The following TMEM74 variants were observed in gnomAD, a reference collection of about 807,000 sequenced individuals.
TMEM74 encodes transmembrane protein 74.
In TMEM74, 13 loss-of-function variants were observed where a neutral mutation model predicts 18.1. The ratio of observed to expected loss-of-function variants is 0.72; its 90% CI spans 0.47 to 1.14. TMEM74 has a LOEUF of 1.14. Ranked by LOEUF, TMEM74 falls within the 50% of genes most tolerant of loss-of-function variation. The probability of loss-of-function intolerance (pLI) is 0.00; values close to 1 mark genes in which losing one functional copy is unlikely to be tolerated. For synonymous variants in TMEM74, 159 were observed against 146.6 expected, an observed-to-expected ratio of 1.08 and a Z score of -0.61; for missense variants, 372 against 375.9, an observed-to-expected ratio of 0.99 and a Z score of 0.09.
At position 108,779,232 on chromosome 8, in the gene TMEM74, T is replaced by C. The variant is rs1443603040; in HGVS notation, c.*4949A>G. Among the ~76,000 whole-genome samples the C allele has an allele frequency of 6.6e-6, 1 of 152,212 alleles. No individual in the cohort carries two copies. The highest frequency in any genetic ancestry group is 2.4e-5 in the African/African-American group (1 of 41,472). On this transcript the variant is annotated 3_prime_UTR_variant, in exon 2 of 2. Coordinates refer to ENST00000297459, the MANE Select transcript of TMEM74 (RefSeq NM_153015.3). ...CACATAATCAATGTCAAATTATTTT[T>C]GTTTGGCAAGAAAAGTAAAATTAAC...
intron 1 of TMEM74, among the ~76,000 whole-genome samples, chr8:108,681,649 T>C (rs1813116476): frequency 6.6e-6 from 1 of 152,160 alleles, no homozygotes; most frequent in African/African-American, 2.4e-5. Flanking sequence ...AACATATGAA[T>C]TCTGGGAAAG....
chr8:108,639,487 C>T (rs1812641684), intron 2 of TMEM74, among the ~76,000 whole-genome samples: 1 of 152,070 alleles, frequency 6.6e-6, no homozygotes, highest in African/African-American at 2.4e-5. Flanking sequence ...TGTTCATATA[C>T]ATGTGTACAC....
At chr8:108,726,105 A>T (rs1200588904) in intron 1 of TMEM74, among the ~76,000 whole-genome samples, 5 of 152,124 alleles carry the variant, frequency 3.3e-5, no homozygotes, top group Non-Finnish European at 7.4e-5. Context: ...TTGTGGCTCA[A>T]CTAGTGAGAC....
At chr8:108,772,010 T>A (rs1814178674) in intron 1 of TMEM74, among the ~76,000 whole-genome samples, 3 of 152,150 alleles carry the variant, frequency 2.0e-5, no homozygotes. Context: ...GTAAAAAAAC[T>A]ACCATATTTT....
At chr8:108,715,027 A>G (rs944573902) in intron 1 of TMEM74, among the ~76,000 whole-genome samples, 4 of 152,182 alleles carry the variant, frequency 2.6e-5, no homozygotes, top group Non-Finnish European at 4.4e-5. Context: ...ATATTTAAGC[A>G]TTCTATATTG....
chr8:108,681,100 T>C (rs1168050064), intron 1 of TMEM74, among the ~76,000 whole-genome samples: 2 of 152,156 alleles, frequency 1.3e-5, no homozygotes, highest in African/African-American at 2.4e-5. Context: ...CCCAAGGTAA[T>C]TTCTAGATTC....
chr8:108,716,185 C>A (rs185684034), intron 1 of TMEM74, among the ~76,000 whole-genome samples: 1 of 152,120 alleles, frequency 6.6e-6, no homozygotes, highest in East Asian at 1.9e-4. Flanking sequence ...ACATTTCAAA[C>A]TTTTACTCCA....
chr8:108,666,792 C>T (rs952274929), intron 1 of TMEM74, among the ~76,000 whole-genome samples: 1 of 152,104 alleles, frequency 6.6e-6, no homozygotes, highest in Non-Finnish European at 1.5e-5. Context: ...ACCGACCAGA[C>T]AGAATCCTAC....
At chr8:108,719,651 T>C (rs1196305221) in intron 1 of TMEM74, among the ~76,000 whole-genome samples, 2 of 152,162 alleles carry the variant, frequency 1.3e-5, no homozygotes, top group African/African-American at 4.8e-5. Flanking sequence ...ATATCCAAAC[T>C]GGAATTTCAA....
chr8:108,631,220 T>C (rs900736932), intron 2 of TMEM74, among the ~76,000 whole-genome samples: 3 of 151,984 alleles, frequency 2.0e-5, no homozygotes, highest in African/African-American at 7.2e-5. Context: ...ATGGCAGCTC[T>C]AGCAATCTAA....
chr8:108,635,830 T>C (rs1418231393), intron 2 of TMEM74, among the ~76,000 whole-genome samples: 3 of 152,090 alleles, frequency 2.0e-5, no homozygotes, highest in African/African-American at 7.2e-5. Flanking sequence ...TTGAATACTT[T>C]AATGACACTT....
At chr8:108,727,351 T>C (rs1173800832) in intron 1 of TMEM74, among the ~76,000 whole-genome samples, 1 of 152,186 alleles carries the variant, frequency 6.6e-6, no homozygotes, top group Non-Finnish European at 1.5e-5. Context: ...ACATGAGAGA[T>C]AACTAATCTT....
At chr8:108,775,440 G>C (rs1011633100), downstream of TMEM74, among the ~76,000 whole-genome samples, 1 of 152,116 alleles carries the variant, frequency 6.6e-6, no homozygotes, top group Non-Finnish European at 1.5e-5. Flanking sequence ...ACAGTCTAAG[G>C]CTCATGGGTT....
At chr8:108,709,548 TG>T (rs1292249311) in intron 1 of TMEM74, among the ~76,000 whole-genome samples, 2 of 152,270 alleles carry the variant, frequency 1.3e-5, no homozygotes, top group Admixed American at 1.3e-4. Flanking sequence ...GGGGAATTGT[TG>T]TTCAGTGGCA....
intron 1 of TMEM74, among the ~76,000 whole-genome samples, chr8:108,756,650 G>GGAAGGA (rs1554577393): frequency 1.1e-4 from 3 of 27,082 alleles, no homozygotes; most frequent in Admixed American, 4.9e-4. Context: ...AAGAAAGAAA[G>GGAAGGA]AGAAAGAAAG....
intron 1 of TMEM74, among the ~76,000 whole-genome samples, chr8:108,709,122 T>C (rs3019341): frequency 0.38 from 57,219 of 151,912 alleles, 11,101 homozygotes; most frequent in East Asian, 0.6. Flanking sequence ...AGTATGGATG[T>C]TCCACAAAAA....
intron 1 of TMEM74, among the ~76,000 whole-genome samples, chr8:108,756,947 C>G (rs1190393024): frequency 6.6e-6 from 1 of 152,026 alleles, no homozygotes; most frequent in Admixed American, 6.6e-5. Context: ...GTTTACTTAC[C>G]TGGTAATAGC....
At chr8:108,619,465 C>T (rs1263985682) in intron 2 of TMEM74, among the ~76,000 whole-genome samples, 1 of 152,192 alleles carries the variant, frequency 6.6e-6, no homozygotes, top group African/African-American at 2.4e-5. Context: ...TTTCCAGTCA[C>T]CAAAGAAGTG....
intron 2 of TMEM74, among the ~76,000 whole-genome samples, chr8:108,620,924 G>T (rs1812433287): frequency 6.6e-6 from 1 of 152,128 alleles, no homozygotes; most frequent in Non-Finnish European, 1.5e-5. Flanking sequence ...CTTTCAGTTT[G>T]AGGAATCCAG....
Sources: allele counts gnomAD v4.1 joint callset (sites outside exome capture counted in the v4.1 genomes callset), GRCh38; gene constraint gnomAD v4.1.1; transcripts MANE v1.5; gene names NCBI Gene and HGNC (gene_info 2026-07-23, HGNC 2026-07-21).